Variants in REPS1 observed in about 807,000 individuals in gnomAD.
REPS1 encodes the protein RALBP1 associated Eps domain containing 1.
In REPS1, 39 loss-of-function variants were observed where a neutral mutation model predicts 100.9. That is an observed-to-expected ratio of 0.39 (90% CI 0.30 to 0.50). REPS1 has a LOEUF of 0.50. Among genes scored for constraint, REPS1 ranks in the 20% least tolerant of loss-of-function variants. The probability of loss-of-function intolerance (pLI) is 0.86; values close to 1 mark genes in which losing one functional copy is unlikely to be tolerated. For synonymous variants in REPS1, 324 were observed against 340.3 expected, an observed-to-expected ratio of 0.95 and a Z score of 0.53; for missense variants, 821 against 968.5, an observed-to-expected ratio of 0.85 and a Z score of 2.02.
rs1156321193 is a variant in REPS1, at chr6:138,903,578, G to A, written c.*1486C>T. On this transcript the variant is annotated 3_prime_UTR_variant, in exon 20 of 20. Transcript: ENST00000450536. The stretch of plus-strand genomic sequence containing the variant: ...TATTTTTGACATTGTTAAATTAGAA[G>A]GCTATTTTTAAAAAGCATATTTTAA... The A allele has an allele frequency of 2.0e-5, 3 of 152,048 alleles. No homozygotes were observed. The highest frequency in any genetic ancestry group is 4.4e-5 in the Non-Finnish European group (3 of 68,016). The allele number at this position is 152,048 out of a possible 1,614,324, so 9.4% of individuals were successfully genotyped here.
chr6:138,936,213 G>A (rs1413645192), intron 8 of REPS1, among the ~76,000 whole-genome samples: 1 of 151,788 alleles, frequency 6.6e-6, no homozygotes, highest in African/African-American at 2.4e-5. Flanking sequence ...TTTTTTTAGA[G>A]ACAGGGTCTC....
At chr6:138,938,455 C>T (rs1025509971) in intron 8 of REPS1, among the ~76,000 whole-genome samples, 4 of 152,102 alleles carry the variant, frequency 2.6e-5, no homozygotes, top group Admixed American at 6.6e-5. Context: ...GGTAACAAAT[C>T]GCTGTATTTT....
chr6:138,980,482 G>A (rs1436995840), intron 1 of REPS1, among the ~76,000 whole-genome samples: 1 of 151,920 alleles, frequency 6.6e-6, no homozygotes, highest in African/African-American at 2.4e-5. Flanking sequence ...TAAACACACT[G>A]TGCTCTTCAC....
intron 1 of REPS1, among the ~76,000 whole-genome samples, chr6:138,979,180 C>CA (rs568626153): frequency 0.18 from 10,728 of 59,086 alleles, 1,132 homozygotes; most frequent in East Asian, 0.39. Context: ...GAATCCATCA[C>CA]AAAAAAAAAA....
intron 1 of REPS1, among the ~76,000 whole-genome samples, chr6:138,958,461 T>C (rs1783533602): frequency 6.6e-6 from 1 of 152,038 alleles, no homozygotes; most frequent in African/African-American, 2.4e-5. Context: ...GGTGGTTTGC[T>C]GCACCTATTG....
chr6:138,959,661 G>T (rs1236760386), intron 1 of REPS1, among the ~76,000 whole-genome samples: 1 of 152,116 alleles, frequency 6.6e-6, no homozygotes, highest in Non-Finnish European at 1.5e-5. Context: ...TACAACACTG[G>T]CTAGCCAGTC....
rs892002203 is a variant in REPS1, at chr6:138,903,833, C to A, written c.*1231G>T. ...ATTGTCAGGTAAAAATTGTATTAAT[C>A]TTGGAAGCTTGAGGTTGTCAGTTTC... is the stretch of plus-strand genomic sequence containing the variant. On this transcript the variant is annotated 3_prime_UTR_variant, in exon 20 of 20. Coordinates refer to ENST00000450536, the MANE Select transcript of REPS1 (RefSeq NM_001286611.2). The A allele has an allele frequency of 6.6e-6, 1 of 152,106 alleles. No individual in the cohort carries two copies. The highest frequency in any genetic ancestry group is 2.4e-5 in the African/African-American group (1 of 41,430). The allele number at this position is 152,106 out of a possible 1,614,324, so 9.4% of individuals were successfully genotyped here.
At chr6:138,910,016 T>C (rs1296095734) in intron 17 of REPS1, among the ~76,000 whole-genome samples, 2 of 152,160 alleles carry the variant, frequency 1.3e-5, no homozygotes, top group Non-Finnish European at 2.9e-5. Flanking sequence ...TAAAGTACAC[T>C]GATATAGTTT....
intron 2 of REPS1, 67 bp downstream of exon 2, chr6:138,947,723 T>C (rs974632926): frequency 8.2e-6 from 11 of 1,339,850 alleles, no homozygotes; most frequent in Admixed American, 8.1e-5. Flanking sequence ...ACAAGAGTTC[T>C]ATTGACTTGA....
At chr6:138,916,714 C>T (rs189830246) in intron 13 of REPS1, among the ~76,000 whole-genome samples, 7 of 152,190 alleles carry the variant, frequency 4.6e-5, no homozygotes, top group Non-Finnish European at 8.8e-5. Flanking sequence ...TTCATGTGTC[C>T]GCAGAGGCCA....
chr6:138,964,391 T>C (rs1039137649), intron 1 of REPS1, among the ~76,000 whole-genome samples: 5 of 152,270 alleles, frequency 3.3e-5, no homozygotes, highest in Non-Finnish European at 5.9e-5. Context: ...TCCATTATTT[T>C]ATAGAACTTG....
intron 12 of REPS1, 68 bp downstream of exon 12, chr6:138,920,147 T>A (rs192416080): frequency 2.4e-6 from 2 of 846,736 alleles, no homozygotes; most frequent in Non-Finnish European, 4.1e-6. Flanking sequence ...TGCATACACA[T>A]CTGAAATAGT....
At position 138,914,481 on chromosome 6, in the gene REPS1, C is replaced by T. The variant is rs564294461; in HGVS notation, c.1785+216G>A. Among the ~76,000 whole-genome samples, 3 of 152,330 alleles carry T rather than the reference C, an allele frequency of 2.0e-5. No individual in the cohort carries two copies. In the East Asian group the frequency reaches 5.8e-4, roughly 29 times the overall value. Reference sequence around the variant, plus strand: ...AAACTCTTCTCTGTCAAGACATTATCATTTGTTTCACTTTTAAGGCTCTTT... The same window carrying T: ...AAACTCTTCTCTGTCAAGACATTATTATTTGTTTCACTTTTAAGGCTCTTT... On this transcript the variant is annotated intron_variant, in intron 15 of 19. Coordinates refer to ENST00000450536, the MANE Select transcript of REPS1 (RefSeq NM_001286611.2).
At position 138,963,474 on chromosome 6, in the gene REPS1, C is replaced by T. The variant is rs371869361; in HGVS notation, c.154-15561G>A. On this transcript the variant is annotated intron_variant, in intron 1 of 19. Coordinates refer to ENST00000450536, the MANE Select transcript of REPS1 (RefSeq NM_001286611.2). ...GAAGGGAATTGCTCCCTGTCATGCC[C>T]ATACCCTCCTGATTTACCGAATTCA... 2.0e-5 allele frequency among the ~76,000 whole-genome samples: 3 copies of T among 152,332 alleles called. 1 individual carries two copies.
At chr6:138,961,611 G>A (rs1783745140) in intron 1 of REPS1, among the ~76,000 whole-genome samples, 2 of 152,164 alleles carry the variant, frequency 1.3e-5, no homozygotes, top group South Asian at 4.1e-4. Context: ...GAAACCGAAA[G>A]TTTTATCTGC....
At chr6:138,907,228 C>G (rs1434214463) in intron 19 of REPS1, 2 of 277,078 alleles carry the variant, frequency 7.2e-6, no homozygotes, top group Non-Finnish European at 1.4e-5. Flanking sequence ...CCCAGCTACT[C>G]AGGAGGCTGA....
chr6:138,930,859 A>T (rs2128458243), intron 8 of REPS1, among the ~76,000 whole-genome samples: 1 of 152,344 alleles, frequency 6.6e-6, no homozygotes, highest in East Asian at 1.9e-4. Context: ...GACTTAACTG[A>T]GATAGTTACA....
rs756987764 is a variant in REPS1 at position 138,912,879 on chromosome 6, C to T, written c.1857G>A (p.Gln619=). 5 of 1,614,112 alleles carry T rather than the reference C, an allele frequency of 3.1e-6. No homozygotes were observed. Among genetic ancestry groups the T allele is most frequent in the African/African-American group, 1.3e-5 (1 of 75,024 alleles). The change falls in exon 16 of 20, where the codon CAG becomes CAA. Residue 619 remains glutamine (Q), a synonymous_variant. Coordinates refer to ENST00000450536, the MANE Select transcript of REPS1 (RefSeq NM_001286611.2). ...CAAAATTTGGTTGCTCTGGTATCTG[C>T]TGAGGTGAGGTACTAGTGTGAGTTA... ...GLITHTSTSP[Q]QIPEQPNFAD... is the part of the protein sequence containing the mutation.
chr6:138,907,312 A>AGTGTGTGTG, intron 19 of REPS1, 183 bp downstream of exon 19: 5 of 105,676 alleles, frequency 4.7e-5, no homozygotes, highest in South Asian at 3.3e-4. Context: ...AAAAAAAAAA[A>AGTGTGTGTG]AGTGTGTGTG....
Sources: gnomAD v4.1 joint callset for allele counts (sites outside exome capture counted in the v4.1 genomes callset) on GRCh38, gnomAD v4.1.1 for gene constraint, MANE v1.5 for transcripts, NCBI Gene and HGNC (gene_info 2026-07-23, HGNC 2026-07-21) for gene names.